Variants in TAF1B observed in about 807,000 individuals in gnomAD.
TAF1B encodes the protein TATA-box binding protein associated factor, RNA polymerase I subunit B.
A neutral mutation model predicts 83.9 loss-of-function variants in TAF1B; 61 were observed. The observed-to-expected ratio is 0.73, with a 90% confidence interval of 0.59 to 0.90. The LOEUF is 0.90. TAF1B is among the 40% of genes least tolerant of loss of function. The pLI is 0.00. For missense variants in TAF1B, 625 were observed against 677.0 expected (o/e 0.92, Z 0.85); for synonymous variants, 221 against 224.6 (o/e 0.98, Z 0.14).
intron 12 of TAF1B, among the ~76,000 whole-genome samples, chr2:9,915,782 T>G (rs116080001): frequency 0.013 from 2,035 of 152,344 alleles, 19 homozygotes; most frequent in Non-Finnish European, 0.022. Flanking sequence ...CACAAAAATC[T>G]GCATAGGAAT....
Position 9,875,860 on chromosome 2 carries a change from C to A in TAF1B, c.554-5C>A. The A allele has an allele frequency of 6.4e-7, 1 of 1,570,746 alleles. No individual in the cohort carries two copies. Among genetic ancestry groups the A allele is most frequent in the Non-Finnish European group, 8.7e-7 (1 of 1,150,868 alleles). On this transcript the variant is annotated splice_polypyrimidine_tract_variant and splice_region_variant and intron_variant, in intron 6 of 14. Transcript: ENST00000263663. ...ATTTTTAAAAATCTCCATTTATCTCCTAAGAAACGTCTGTCTGCTCTGGAT... is the reference window on the plus strand; with the variant it reads ...ATTTTTAAAAATCTCCATTTATCTCATAAGAAACGTCTGTCTGCTCTGGAT...
At chr2:9,857,872 A>G (rs1336614654) in intron 5 of TAF1B, among the ~76,000 whole-genome samples, 1 of 152,182 alleles carries the variant, frequency 6.6e-6, no homozygotes, top group Non-Finnish European at 1.5e-5. Flanking sequence ...ACCTCTCACC[A>G]GGTCCCTCTC....
intron 5 of TAF1B, among the ~76,000 whole-genome samples, chr2:9,859,276 C>G (rs1273988438): frequency 6.6e-6 from 1 of 152,116 alleles, no homozygotes; most frequent in East Asian, 1.9e-4. Context: ...TGCCACCAGT[C>G]TCTTTGCTGA....
chr2:9,933,768 C>G lies in TAF1B; in HGVS notation c.1566-15C>G. ...ACCATCTAAAGATAAATTCTTTTTTCTTTTTCCCTTCTAGCTATTGTACAC... is the reference window on the plus strand; with the variant it reads ...ACCATCTAAAGATAAATTCTTTTTTGTTTTTCCCTTCTAGCTATTGTACAC... On this transcript the variant is annotated splice_polypyrimidine_tract_variant and intron_variant, in intron 14 of 14. Coordinates refer to ENST00000263663, the MANE Select transcript of TAF1B (RefSeq NM_005680.3). 2 of 1,588,044 alleles carry G rather than the reference C, an allele frequency of 1.3e-6. No homozygotes were observed.
At chr2:9,876,376 G>A (rs1259060904) in intron 7 of TAF1B, among the ~76,000 whole-genome samples, 1 of 152,104 alleles carries the variant, frequency 6.6e-6, no homozygotes, top group African/African-American at 2.4e-5. Flanking sequence ...TTAGCAAAAT[G>A]GTTATTTGTA....
chr2:9,908,818 G>A (rs747988102), intron 9 of TAF1B, among the ~76,000 whole-genome samples: 24 of 152,262 alleles, frequency 1.6e-4, no homozygotes, highest in South Asian at 8.3e-4. Context: ...AAGCCTTGTT[G>A]GACTGTTTGC....
In TAF1B at chr2:9,906,161, G is replaced by A. The variant is rs183211192; in HGVS notation, c.955+1155G>A. Among the ~76,000 whole-genome samples the A allele has an allele frequency of 1.4e-3, 214 of 152,224 alleles. 1 individual carries two copies. The highest frequency in any genetic ancestry group is 5.9e-3 in the Admixed American group (90 of 15,288). The stretch of plus-strand genomic sequence containing the variant: ...ATACTGGGTTATGGAAGGAATACCA[G>A]GGATTATCAAAATATAACTGATGCA... On this transcript the variant is annotated intron_variant, in intron 9 of 14. Coordinates refer to ENST00000263663, the MANE Select transcript of TAF1B (RefSeq NM_005680.3).
chr2:9,900,222 A>G (rs1022312), intron 8 of TAF1B, among the ~76,000 whole-genome samples: 50,776 of 152,064 alleles, frequency 0.33, 9,164 homozygotes, highest in African/African-American at 0.46. Context: ...GGAATGACAT[A>G]CCAGATTTTC....
chr2:9,868,010 T>A (rs1664048004), intron 5 of TAF1B, among the ~76,000 whole-genome samples: 1 of 152,162 alleles, frequency 6.6e-6, no homozygotes, highest in South Asian at 2.1e-4. Context: ...ATTAGCGCTG[T>A]AAGAGAGATG....
At chr2:9,858,568 G>A (rs188247009) in intron 5 of TAF1B, among the ~76,000 whole-genome samples, 1 of 152,262 alleles carries the variant, frequency 6.6e-6, no homozygotes, top group Admixed American at 6.5e-5. Flanking sequence ...CCCTAGAAGA[G>A]GTTCTCTATG....
chr2:9,928,912 G>A (rs1185902143), intron 14 of TAF1B, among the ~76,000 whole-genome samples: 1 of 152,206 alleles, frequency 6.6e-6, no homozygotes, highest in Non-Finnish European at 1.5e-5. Flanking sequence ...TAGGAGTGGT[G>A]AGAGAGGGCA....
chr2:9,919,726 G>A lies in TAF1B; in HGVS notation c.1471G>A (p.Gly491Arg), dbSNP rs200886342. The change falls in exon 14 of 15, where the codon GGA (glycine) becomes AGA (arginine). Residue 491 changes from glycine (G) to arginine (R), a missense_variant. Physicochemically the swap from Gly to Arg is moderately radical, Grantham distance 125. Coordinates refer to ENST00000263663, the MANE Select transcript of TAF1B (RefSeq NM_005680.3). ...EEDTDRTCFH[G>R]HSLQGVLKEK... is the part of the protein sequence containing the mutation. ...GGACACTGATAGAACGTGTTTCCAT[G>A]GACACAGCCTTCAGGGAGTCCTGAA... 1.1e-5 allele frequency: 17 copies of A among 1,614,166 alleles called. No individual in the cohort carries two copies. The highest frequency in any genetic ancestry group is 1.4e-5 in the Non-Finnish European group (17 of 1,180,022).
Position 9,919,065 on chromosome 2 carries a change from A to G in TAF1B, c.1296A>G (p.Pro432=). The change falls in exon 13 of 15, where the codon CCA becomes CCG. Residue 432 remains proline (P), a synonymous_variant. Transcript: ENST00000263663. ...RAKYLWKSEK[P]LYYSFVDKPV... The stretch of plus-strand genomic sequence containing the variant: ...GGTACCTGTGGAAAAGTGAAAAGCC[A>G]CTCTACTACTCATTTGTCGACAAAC... The G allele has an allele frequency of 6.2e-7, 1 of 1,614,084 alleles. No homozygotes were observed. The highest frequency in any genetic ancestry group is 8.5e-7 in the Non-Finnish European group (1 of 1,180,004).
intron 8 of TAF1B, among the ~76,000 whole-genome samples, chr2:9,890,758 G>T (rs1664844835): frequency 6.6e-6 from 1 of 151,978 alleles, no homozygotes; most frequent in Non-Finnish European, 1.5e-5. Context: ...TGAGACATTT[G>T]AAATTTACTC....
chr2:9,849,282 T>C, intron 2 of TAF1B, 91 bp from the exon 3 acceptor site: 2 of 895,180 alleles, frequency 2.2e-6, no homozygotes, highest in Non-Finnish European at 1.7e-6. Context: ...ACTCACAATT[T>C]GGTTTATTAT....
At chr2:9,897,541 G>T (rs960386645) in intron 8 of TAF1B, among the ~76,000 whole-genome samples, 6 of 152,138 alleles carry the variant, frequency 3.9e-5, no homozygotes, top group African/African-American at 1.4e-4. Flanking sequence ...TGAGTAAAAA[G>T]AAAAGATGTA....
intron 6 of TAF1B, among the ~76,000 whole-genome samples, chr2:9,872,311 G>A (rs912476609): frequency 7.5e-5 from 11 of 147,254 alleles, no homozygotes; most frequent in African/African-American, 2.8e-4. Context: ...GGGCAACAGA[G>A]CGAGATTCCA....
At chr2:9,931,148 G>A (rs1017071167) in intron 14 of TAF1B, among the ~76,000 whole-genome samples, 9 of 152,202 alleles carry the variant, frequency 5.9e-5, no homozygotes, top group Non-Finnish European at 1.2e-4. Flanking sequence ...CTTTTAATTG[G>A]GGCATTTAGC....
chr2:9,884,934 A>G (rs1269610792), intron 8 of TAF1B, among the ~76,000 whole-genome samples: 1 of 152,216 alleles, frequency 6.6e-6, no homozygotes, highest in East Asian at 1.9e-4. Context: ...AAATTCTGCC[A>G]ATATTTAATA....
Sources: allele counts gnomAD v4.1 joint callset (sites outside exome capture counted in the v4.1 genomes callset), GRCh38; gene constraint gnomAD v4.1.1; transcripts MANE v1.5; gene names NCBI Gene and HGNC (gene_info 2026-07-23, HGNC 2026-07-21).